The following APBB2 variants were observed in gnomAD, a reference collection of about 807,000 sequenced individuals.
The protein encoded by APBB2 is amyloid beta precursor protein binding family B member 2, also known as Fe65-like 1.
Under a neutral mutation model 82.5 loss-of-function variants are expected in APBB2, and 38 were observed. The observed-to-expected ratio is 0.46, with a 90% CI of 0.36 to 0.60. The LOEUF is 0.60. Ranked by LOEUF, APBB2 falls within the 20% of genes least tolerant of loss-of-function variation. The pLI is 0.00. For synonymous variants in APBB2, 341 were observed against 368.2 expected (o/e 0.93, Z 0.85); for missense variants, 772 against 972.3 (o/e 0.79, Z 2.74).
At position 40,999,931 on chromosome 4, in the gene APBB2, C is replaced by T. The variant is rs142965056; in HGVS notation, c.835+13652G>A. On this transcript the variant is annotated intron_variant, in intron 6 of 17. Transcript: ENST00000508593. ...AAAAAAGGCAGGGAACAGTGGTTCA[C>T]ATCTATAATCCTAGCACTTTGAGAG... Among the ~76,000 whole-genome samples the T allele has an allele frequency of 2.4e-3, 358 of 151,762 alleles. 1 individual carries two copies. The highest frequency in any genetic ancestry group is 3.9e-3 in the Non-Finnish European group (265 of 67,942).
intron 6 of APBB2, among the ~76,000 whole-genome samples, chr4:40,969,684 T>C (rs1355205197): frequency 6.6e-6 from 1 of 152,206 alleles, no homozygotes; most frequent in Non-Finnish European, 1.5e-5. Context: ...CCTCCCAGCG[T>C]GTAACTGTTG....
intron 6 of APBB2, among the ~76,000 whole-genome samples, chr4:40,950,047 G>T (rs1343227348): frequency 6.6e-6 from 1 of 152,154 alleles, no homozygotes; most frequent in Non-Finnish European, 1.5e-5. Context: ...AACTGCGGGG[G>T]CTACTGAAGG....
chr4:41,094,939 C>T (rs1743032295), intron 3 of APBB2, among the ~76,000 whole-genome samples: 1 of 152,166 alleles, frequency 6.6e-6, no homozygotes, highest in Non-Finnish European at 1.5e-5. Flanking sequence ...CAAAAAAATT[C>T]ATGAGACCTG....
At chr4:41,146,338 A>C (rs1374053483) in intron 1 of APBB2, among the ~76,000 whole-genome samples, 1 of 150,880 alleles carries the variant, frequency 6.6e-6, no homozygotes, top group Non-Finnish European at 1.5e-5. Flanking sequence ...AAAAAAAAAA[A>C]AAAAAAAAAA....
At chr4:40,833,665 G>A (rs1258089917) in intron 12 of APBB2, among the ~76,000 whole-genome samples, 1 of 152,140 alleles carries the variant, frequency 6.6e-6, no homozygotes, top group Non-Finnish European at 1.5e-5. Flanking sequence ...ACCCACATTC[G>A]AGTCTCAGCC....
intron 1 of APBB2, among the ~76,000 whole-genome samples, chr4:41,191,828 A>G (rs9997187): frequency 0.024 from 3,597 of 152,298 alleles, 69 homozygotes; most frequent in African/African-American, 0.054. Flanking sequence ...ACAATCAACA[A>G]AATGAAATGG....
At chr4:40,947,599 A>G (rs1028080219) in intron 6 of APBB2, among the ~76,000 whole-genome samples, 17 of 152,246 alleles carry the variant, frequency 1.1e-4, no homozygotes, top group African/African-American at 3.9e-4. Flanking sequence ...TTACGCTGAG[A>G]TTTTGTTGAA....
intron 10 of APBB2, among the ~76,000 whole-genome samples, chr4:40,899,751 T>C (rs1190750849): frequency 1.3e-5 from 2 of 152,266 alleles, no homozygotes; most frequent in Non-Finnish European, 2.9e-5. Flanking sequence ...GTTTCTGTCC[T>C]TTTCCTTTCT....
intron 1 of APBB2, among the ~76,000 whole-genome samples, chr4:41,184,920 C>A (rs992385173): frequency 1.3e-5 from 2 of 152,242 alleles, no homozygotes; most frequent in South Asian, 2.1e-4. Flanking sequence ...CTCCTTCCAC[C>A]TCCTGTTCAC....
At position 40,937,957 on chromosome 4, in the gene APBB2, T is replaced by A. The variant is rs1785793879; in HGVS notation, c.1045-2818A>T. 3.9e-5 allele frequency among the ~76,000 whole-genome samples: 6 copies of A among 152,202 alleles called. 1 individual carries two copies. The South Asian group carries it at 1.2e-3, about 31-fold the overall frequency. On this transcript the variant is annotated intron_variant, in intron 7 of 17. Transcript: ENST00000508593. ...TCTTTGGTTCTACAGAAAGTCTGTATCCACCCCCGTAGGGGTGGGAGAGAT... is the reference window on the plus strand; with the variant it reads ...TCTTTGGTTCTACAGAAAGTCTGTAACCACCCCCGTAGGGGTGGGAGAGAT...
chr4:41,161,397 G>A (rs1316586904), intron 1 of APBB2, among the ~76,000 whole-genome samples: 3 of 151,992 alleles, frequency 2.0e-5, no homozygotes, highest in African/African-American at 2.4e-5. Context: ...CCTTGAGCCC[G>A]GGAGTTCAAG....
chr4:40,848,791 G>C, intron 12 of APBB2: 1 of 933,464 alleles, frequency 1.1e-6, no homozygotes, highest in Non-Finnish European at 1.3e-6. Context: ...CCCCTGCCTG[G>C]GCTTGCTGAT....
intron 10 of APBB2, among the ~76,000 whole-genome samples, chr4:40,894,149 G>T (rs550739954): frequency 6.6e-6 from 1 of 151,732 alleles, no homozygotes; most frequent in Non-Finnish European, 1.5e-5. Flanking sequence ...TTAGCCAGGC[G>T]TGGTGGTGGG....
chr4:40,974,162 T>C (rs73809213), intron 6 of APBB2, among the ~76,000 whole-genome samples: 1,811 of 152,184 alleles, frequency 0.012, 40 homozygotes, highest in African/African-American at 0.042. Context: ...AAATTTCCTC[T>C]TCTAAGAACA....
intron 1 of APBB2, among the ~76,000 whole-genome samples, chr4:41,210,086 C>A (rs1778956706): frequency 6.6e-6 from 1 of 152,210 alleles, no homozygotes. Context: ...CAAATGCCAC[C>A]ACTGATCTGA....
At chr4:40,820,366 T>C (rs1747428321) in intron 17 of APBB2, among the ~76,000 whole-genome samples, 1 of 152,120 alleles carries the variant, frequency 6.6e-6, no homozygotes, top group Non-Finnish European at 1.5e-5. Context: ...TGGATACTCG[T>C]CTAAAATCTA....
At chr4:41,153,937 A>T (rs1185330292) in intron 1 of APBB2, among the ~76,000 whole-genome samples, 1 of 152,188 alleles carries the variant, frequency 6.6e-6, no homozygotes, top group Non-Finnish European at 1.5e-5. Flanking sequence ...GTTTATACCT[A>T]GTTTATATTG....
intron 1 of APBB2, among the ~76,000 whole-genome samples, chr4:41,155,926 G>A (rs76619415): frequency 0.041 from 6,194 of 152,188 alleles, 141 homozygotes; most frequent in Middle Eastern, 0.058. Context: ...AATGAATTTG[G>A]TCGTATCTTA....
At chr4:41,181,271 G>A (rs1026397397) in intron 1 of APBB2, among the ~76,000 whole-genome samples, 1 of 152,134 alleles carries the variant, frequency 6.6e-6, no homozygotes, top group South Asian at 2.1e-4. Context: ...CAACTCAAGG[G>A]CCCTTTTGTT....
Sources: allele counts gnomAD v4.1 joint callset (sites outside exome capture counted in the v4.1 genomes callset), GRCh38; gene constraint gnomAD v4.1.1; transcripts MANE v1.5; gene names NCBI Gene and HGNC (gene_info 2026-07-23, HGNC 2026-07-21).